ERCC5: variants seen among roughly 807,000 people sequenced by gnomAD.
ERCC5 encodes the protein ERCC excision repair 5, endonuclease, also known as DNA excision repair protein ERCC-5.
ERCC5 carries 68 observed loss-of-function variants against 105.6 expected under a neutral mutation model. That is an observed-to-expected ratio of 0.64 (90% CI 0.53 to 0.79). ERCC5 has a LOEUF of 0.79. Ranked by LOEUF, ERCC5 falls within the 30% of genes least tolerant of loss-of-function variation. The probability of loss-of-function intolerance (pLI) is 0.00; values close to 1 mark genes in which losing one functional copy is unlikely to be tolerated. For synonymous variants in ERCC5, 546 were observed against 526.2 expected, an observed-to-expected ratio of 1.04 and a Z score of -0.51; for missense variants, 1,373 against 1,426.7, an observed-to-expected ratio of 0.96 and a Z score of 0.61.
intron 1 of ERCC5, among the ~76,000 whole-genome samples, chr13:102,850,807 A>G (rs1882172780): frequency 1.3e-5 from 2 of 152,122 alleles, no homozygotes; most frequent in African/African-American, 2.4e-5. Flanking sequence ...GGCCAGACAT[A>G]TACATGGAGT....
rs749172109 is a variant in ERCC5, at chr13:102,866,887, C to T, written c.2533+42C>T. On this transcript the variant is annotated intron_variant, in intron 11 of 14. Transcript: ENST00000652225. ...TTTTTGATTACTTTCTGACATTTAC[C>T]TTCAGAGTTTGTCCTAGGAAGTTTT... 21 of 1,563,672 alleles carry T rather than the reference C, an allele frequency of 1.3e-5. No individual in the cohort carries two copies. The African/African-American group carries it at 2.2e-4, about 16-fold the overall frequency.
chr13:102,869,704 G>A (rs1279925070), intron 12 of ERCC5, among the ~76,000 whole-genome samples: 1 of 152,152 alleles, frequency 6.6e-6, no homozygotes, highest in Non-Finnish European at 1.5e-5. Flanking sequence ...TTTTAGAAAG[G>A]TATTAACAGA....
Position 102,865,415 on chromosome 13 carries a change from A to G in ERCC5, c.1955-252A>G. 4.4e-6 allele frequency: 2 copies of G among 456,646 alleles called. No individual in the cohort carries two copies. The highest frequency in any genetic ancestry group is 6.8e-5 in the Admixed American group (2 of 29,210). 28.3% of individuals were successfully genotyped at this position (456,646 alleles called of 1,614,324 possible). ...CATATTTATATAAAGCGAATATACA[A>G]ATCTTAAGAGAGTTTCCTACTTTCA... On this transcript the variant is annotated intron_variant, in intron 8 of 14. Coordinates refer to ENST00000652225, the MANE Select transcript of ERCC5 (RefSeq NM_000123.4). The surrounding 1 kb of genome is among the most constrained non-coding windows in gnomAD (Gnocchi z 4.0).
rs1460800289 is a variant in ERCC5, at chr13:102,872,335, C to A, written c.2816C>A (p.Pro939His). 3 of 1,614,032 alleles carry A rather than the reference C, an allele frequency of 1.9e-6. No homozygotes were observed. In the African/African-American group the frequency reaches 4.0e-5, roughly 22 times the overall value. ...NPAVAEAYLK[P>H]VVDDSKGSFL... ...GCTGTTGCCGAGGCCTACCTCAAAC[C>A]CGTGGTGGATGACTCGAAGGGATCC... The change falls in exon 13 of 15, where the codon CCC becomes CAC. Residue 939 changes from proline to histidine, a missense_variant. Pro to His is a moderately conservative substitution (Grantham distance 77, BLOSUM62 -2). Coordinates refer to ENST00000652225, the MANE Select transcript of ERCC5 (RefSeq NM_000123.4).
rs573279159 is a variant in ERCC5, at chr13:102,861,712, A to T, written c.878A>T (p.Lys293Ile). The T allele has an allele frequency of 3.7e-6, 6 of 1,614,114 alleles. No homozygotes were observed. In the East Asian group the frequency reaches 1.3e-4, roughly 36 times the overall value. Residue 293 changes from lysine (K) to isoleucine (I), a missense_variant and splice_region_variant, in exon 7 of 15, where the codon AAA (lysine) becomes ATA (isoleucine). Physicochemically the swap from Lys to Ile is moderately radical, Grantham distance 102. Around this residue, in one of 3 missense-constraint regions of ERCC5, gnomAD observed 1,004 missense variants for 1,059.7 expected, o/e 0.95. Transcript: ENST00000652225. ...GACACTTCACATTACATCTTGATAA[A>T]AGGTATCAGGCACCATCATTTATAT... ...SEDTSHYILIKGIQAKTVAEV... is the reference protein window; with the variant it reads ...SEDTSHYILIIGIQAKTVAEV...
At chr13:102,864,126 CCA>C (rs10647676) in intron 8 of ERCC5, among the ~76,000 whole-genome samples, 35,320 of 140,678 alleles carry the variant, frequency 0.25, 4,790 homozygotes, top group Non-Finnish European at 0.33. Context: ...AGAGAATCAA[CCA>C]CACACACACA....
intron 8 of ERCC5, 151 bp downstream of exon 8, chr13:102,863,254 C>T: frequency 1.1e-6 from 1 of 918,230 alleles, no homozygotes; most frequent in Non-Finnish European, 1.6e-6. Flanking sequence ...CCCAGGGAGT[C>T]ACAGCTGGTC....
chr13:102,870,630 G>GTATTCTC (rs1318582861), intron 12 of ERCC5, among the ~76,000 whole-genome samples: 5 of 152,184 alleles, frequency 3.3e-5, no homozygotes, highest in African/African-American at 1.2e-4. Flanking sequence ...AGAATTATCG[G>GTATTCTC]TATTCTCTCA....
chr13:102,854,222 C>A, intron 3 of ERCC5, 66 bp from the exon 4 acceptor site: 1 of 1,540,858 alleles, frequency 6.5e-7, no homozygotes, highest in South Asian at 1.1e-5. Flanking sequence ...GCAGCCAGGT[C>A]AGGTCCCTGT....
intron 11 of ERCC5, among the ~76,000 whole-genome samples, chr13:102,867,522 G>T (rs908144202): frequency 1.3e-5 from 2 of 152,180 alleles, no homozygotes; most frequent in East Asian, 3.8e-4. Context: ...AAGCTTGTGG[G>T]CTGTGTTCTA....
chr13:102,852,296 A>G lies in ERCC5; in HGVS notation c.264+3A>G, dbSNP rs1882235997. 1 of 1,613,882 alleles carries G rather than the reference A, an allele frequency of 6.2e-7. No individual in the cohort carries two copies. On this transcript the variant is annotated splice_donor_region_variant and intron_variant, in intron 2 of 14. Transcript: ENST00000652225. Reference sequence around the variant, plus strand: ...CACTATTGAAGAAACAGACTTTGGTAAGTGTCGTATAGTTTTTAGTAAGTG... The same window carrying G: ...CACTATTGAAGAAACAGACTTTGGTGAGTGTCGTATAGTTTTTAGTAAGTG...
At chr13:102,873,467 A>T (rs1044565316) in intron 14 of ERCC5, 124 bp downstream of exon 14, 3 of 1,092,040 alleles carry the variant, frequency 2.7e-6, no homozygotes, top group Admixed American at 2.1e-5. Flanking sequence ...AGGATAATTT[A>T]GATGAGAGAA....
chr13:102,865,758 A>G lies in ERCC5; in HGVS notation c.2046A>G (p.Glu682=). 1 of 1,614,122 alleles carries G rather than the reference A, an allele frequency of 6.2e-7. No individual in the cohort carries two copies. Among genetic ancestry groups the G allele is most frequent in the Admixed American group, 1.7e-5 (1 of 60,028 alleles). ...CCAAACCTCCCTCAGAACAAGGCGA[A>G]GAGGAACTGGTAGGAACTAGGGAGG... ...ETSKPPSEQG[E]EELVGTREGE... Residue 682 remains glutamate, a synonymous_variant, in exon 9 of 15, where the codon GAA becomes GAG. Transcript: ENST00000652225. The surrounding 1 kb of genome is among the most constrained non-coding windows in gnomAD (Gnocchi z 4.0).
chr13:102,865,831 A>AGG lies in ERCC5; in HGVS notation c.2121_2122dup (p.Asp708GlyfsTer38), dbSNP rs766272778. 3.7e-6 allele frequency: 6 copies of AGG among 1,614,078 alleles called. No individual in the cohort carries two copies. The African/African-American group carries it at 8.0e-5, about 22-fold the overall frequency. On this transcript the variant is annotated frameshift_variant, in exon 9 of 15. Transcript: ENST00000652225. LOFTEE classifies it high-confidence loss of function. This position sits in a 1 kb window ranked among gnomAD's most constrained non-coding sequence, Gnocchi z 4.0. ...GAGCCTCCTGAGGGACAACTCTGAG[A>AGG]GGGACGACGTGGATGGTGAGCCACA...
At chr13:102,866,546 C>T (rs1882847646) in intron 10 of ERCC5, 86 bp from the exon 11 acceptor site, 3 of 1,598,688 alleles carry the variant, frequency 1.9e-6, no homozygotes, top group African/African-American at 2.7e-5. Context: ...GAATGCATTA[C>T]ATGAAGTGGT....
intron 8 of ERCC5, among the ~76,000 whole-genome samples, chr13:102,864,038 A>C (rs1007076919): frequency 1.3e-5 from 2 of 152,036 alleles, no homozygotes; most frequent in African/African-American, 4.8e-5. Flanking sequence ...ATGCACATAG[A>C]TATGTTTAGG....
intron 5 of ERCC5, among the ~76,000 whole-genome samples, chr13:102,856,693 C>G (rs1431981769): frequency 6.6e-6 from 1 of 151,742 alleles, no homozygotes; most frequent in Non-Finnish European, 1.5e-5. Flanking sequence ...TAGATGCAGC[C>G]AGTCTGTAGC....
intron 6 of ERCC5, chr13:102,858,766 A>T (rs1882516699): frequency 4.9e-6 from 2 of 410,320 alleles, no homozygotes; most frequent in Non-Finnish European, 9.5e-6. Flanking sequence ...TTCACATGGT[A>T]TGTGTCCAGT....
At chr13:102,873,431 G>T (rs573222424) in intron 14 of ERCC5, 88 bp downstream of exon 14, 2 of 1,430,824 alleles carry the variant, frequency 1.4e-6, no homozygotes, top group Admixed American at 1.7e-5. Context: ...TCTTATTTTG[G>T]GGCATAGAGC....
Sources: gnomAD v4.1 joint callset for allele counts (sites outside exome capture counted in the v4.1 genomes callset) on GRCh38, gnomAD v4.1.1 for gene constraint, gnomAD v4.1.1 regional missense constraint, Gnocchi (gnomAD v3.1) non-coding constraint, MANE v1.5 for transcripts, NCBI Gene and HGNC (gene_info 2026-07-23, HGNC 2026-07-21) for gene names.